ARRDC4: variants seen among roughly 807,000 people sequenced by gnomAD.
ARRDC4 encodes arrestin domain-containing protein 4.
In ARRDC4, 40 loss-of-function variants were observed where a neutral mutation model predicts 44.6. The ratio of observed to expected loss-of-function variants is 0.90; its 90% CI spans 0.70 to 1.17. The LOEUF (loss-of-function observed/expected upper bound fraction) is 1.17. Ranked by LOEUF, ARRDC4 falls within the 50% of genes most tolerant of loss-of-function variation. The pLI is 0.00. For missense variants in ARRDC4, 550 were observed against 559.1 expected (o/e 0.98, Z 0.16); for synonymous variants, 211 against 221.2 (o/e 0.95, Z 0.41).
chr15:97,961,385 G>T (rs1447273494), intron 1 of ARRDC4, among the ~76,000 whole-genome samples: 2 of 152,234 alleles, frequency 1.3e-5, no homozygotes, highest in Non-Finnish European at 2.9e-5. Flanking sequence ...GGCCTGACCG[G>T]GACCAGTGGC....
In ARRDC4 at chr15:97,970,675, G is replaced by C. The variant is rs755992521; in HGVS notation, c.1132G>C (p.Glu378Gln). 6.2e-7 allele frequency: 1 copy of C among 1,613,622 alleles called. No homozygotes were observed. The highest frequency in any genetic ancestry group is 2.2e-5 in the East Asian group (1 of 44,858). ...PYPQPPNCEG[E>Q]VCCPVFACIQ... The stretch of plus-strand genomic sequence containing the variant: ...CCCTCAACCCCCTAACTGTGAGGGA[G>C]AAGTGTGCTGTCCTGTGTTTGCCTG... The change falls in exon 7 of 8, where the codon GAA (glutamate) becomes CAA (glutamine). Residue 378 changes from glutamate to glutamine, a missense_variant. Physicochemically the swap from Glu to Gln is conservative, Grantham distance 29. Coordinates refer to ENST00000268042, the MANE Select transcript of ARRDC4 (RefSeq NM_183376.3). This position sits in a 1 kb window ranked among gnomAD's most constrained non-coding sequence, Gnocchi z 4.2.
At position 97,970,054 on chromosome 15, in the gene ARRDC4, T is replaced by A; in HGVS notation, c.1045+9T>A. On this transcript the variant is annotated intron_variant, in intron 6 of 7. Transcript: ENST00000268042. This position sits in a 1 kb window ranked among gnomAD's most constrained non-coding sequence, Gnocchi z 4.2. ...GCCAGAGCAGCCTGAAGGTAAAATA[T>A]GTTGGCGTTCTTTCATAACGAAGCT... The A allele has an allele frequency of 6.2e-7, 1 of 1,601,860 alleles. No individual in the cohort carries two copies. Among genetic ancestry groups the A allele is most frequent in the South Asian group, 1.1e-5 (1 of 90,626 alleles).
At position 97,970,431 on chromosome 15, in the gene ARRDC4, T is replaced by C. The variant is rs570992734; in HGVS notation, c.1046-158T>C. Among the ~76,000 whole-genome samples the C allele has an allele frequency of 1.3e-5, 2 of 152,312 alleles. No homozygotes were observed. Among genetic ancestry groups the C allele is most frequent in the Non-Finnish European group, 1.5e-5 (1 of 68,012 alleles). On this transcript the variant is annotated intron_variant, in intron 6 of 7. Transcript: ENST00000268042. This position sits in a 1 kb window ranked among gnomAD's most constrained non-coding sequence, Gnocchi z 4.2. The stretch of plus-strand genomic sequence containing the variant: ...GTAGTAGTTTAATAAAAGGAGAATC[T>C]ATTTTTTATTGTAATATGCATAAAA...
Position 97,970,826 on chromosome 15 carries a change from G to C in ARRDC4, c.1200+83G>C, listed in dbSNP as rs1899499142. ...TTGTCATCCGTTCATTAGAGTGTCT[G>C]TTGCTGACTCATAATTAGTAAGGGA... On this transcript the variant is annotated intron_variant, in intron 7 of 7. Coordinates refer to ENST00000268042, the MANE Select transcript of ARRDC4 (RefSeq NM_183376.3). The surrounding 1 kb of genome is among the most constrained non-coding windows in gnomAD (Gnocchi z 4.2). The C allele has an allele frequency of 3.5e-6, 5 of 1,444,146 alleles. No homozygotes were observed. In the South Asian group the frequency reaches 3.8e-5, roughly 11 times the overall value. The allele number at this position is 1,444,146 out of a possible 1,614,324, so 89.5% of individuals were successfully genotyped here.
At position 97,970,883 on chromosome 15, in the gene ARRDC4, G is replaced by T. The variant is rs990644882; in HGVS notation, c.1200+140G>T. The stretch of plus-strand genomic sequence containing the variant: ...TAAATTTGTTTATACAGTGGTAATA[G>T]ATTATCGCTGATTCATTTGCCAGAT... On this transcript the variant is annotated intron_variant, in intron 7 of 7. Coordinates refer to ENST00000268042, the MANE Select transcript of ARRDC4 (RefSeq NM_183376.3). This position sits in a 1 kb window ranked among gnomAD's most constrained non-coding sequence, Gnocchi z 4.2. 3 of 1,073,970 alleles carry T rather than the reference G, an allele frequency of 2.8e-6. No homozygotes were observed. The highest frequency in any genetic ancestry group is 4.0e-6 in the Non-Finnish European group (3 of 758,058). 66.5% of individuals were successfully genotyped at this position (1,073,970 alleles called of 1,614,324 possible). A position where few individuals can be genotyped will look rare whatever the true frequency, so the allele number is the denominator to read the frequency against.
In ARRDC4 at chr15:97,968,202, A is replaced by C; in HGVS notation, c.625+86A>C. On this transcript the variant is annotated intron_variant, in intron 4 of 7. Transcript: ENST00000268042. This position sits in a 1 kb window ranked among gnomAD's most constrained non-coding sequence, Gnocchi z 5.4. Reference sequence around the variant, plus strand: ...AGTGATTTTAAATAGTGTTTTTTGTAATTATATGACGTGTATAGTATTTTA... The same window carrying C: ...AGTGATTTTAAATAGTGTTTTTTGTCATTATATGACGTGTATAGTATTTTA... 1.2e-6 allele frequency: 1 copy of C among 808,546 alleles called. No individual in the cohort carries two copies. Among genetic ancestry groups the C allele is most frequent in the Non-Finnish European group, 1.9e-6 (1 of 534,584 alleles). 50.1% of individuals were successfully genotyped at this position (808,546 alleles called of 1,614,324 possible).
chr15:97,961,963 C>T (rs987395925), intron 1 of ARRDC4, among the ~76,000 whole-genome samples: 1 of 152,218 alleles, frequency 6.6e-6, no homozygotes, highest in African/African-American at 2.4e-5. Context: ...GGACACACTA[C>T]ATGAGCGTTT....
rs776042985 is a variant in ARRDC4 at position 97,967,218 on chromosome 15, T to G, written c.523-796T>G. Among the ~76,000 whole-genome samples, 2 of 152,152 alleles carry G rather than the reference T, an allele frequency of 1.3e-5. No homozygotes were observed. The highest frequency in any genetic ancestry group is 2.9e-5 in the Non-Finnish European group (2 of 68,024). ...AATATTTTTAAAGTTTTTATGACCA[T>G]TGTGGGAATTGATTTAAAGGGATTT... On this transcript the variant is annotated intron_variant, in intron 3 of 7. Coordinates refer to ENST00000268042, the MANE Select transcript of ARRDC4 (RefSeq NM_183376.3). This position sits in a 1 kb window ranked among gnomAD's most constrained non-coding sequence, Gnocchi z 5.0.
In ARRDC4 at chr15:97,973,139, G is replaced by T. The variant is rs573689193; in HGVS notation, c.*1952G>T. 1 of 152,308 alleles carries T rather than the reference G, an allele frequency of 6.6e-6. No individual in the cohort carries two copies. Among genetic ancestry groups the T allele is most frequent in the African/African-American group, 2.4e-5 (1 of 41,534 alleles). The allele number at this position is 152,308 out of a possible 1,614,324, so 9.4% of individuals were successfully genotyped here. On this transcript the variant is annotated 3_prime_UTR_variant, in exon 8 of 8. Coordinates refer to ENST00000268042, the MANE Select transcript of ARRDC4 (RefSeq NM_183376.3). ...TGTTTATTGACTTCTGAGTTATATA[G>T]TTCATGCCCTGCCAAGGCATTGTTC...
chr15:97,969,856 C>CTCTCTTT (rs754993418), intron 5 of ARRDC4, 27 bp from the exon 6 acceptor site: 8 of 1,353,392 alleles, frequency 5.9e-6, no homozygotes, highest in African/African-American at 3.1e-5. Flanking sequence ...GTTCCTTTCT[C>CTCTCTTT]TTTTTTTTTT....
At position 97,970,577 on chromosome 15, in the gene ARRDC4, T is replaced by C. The variant is rs1242655400; in HGVS notation, c.1046-12T>C. On this transcript the variant is annotated splice_polypyrimidine_tract_variant and intron_variant, in intron 6 of 7. Transcript: ENST00000268042. This position sits in a 1 kb window ranked among gnomAD's most constrained non-coding sequence, Gnocchi z 4.2. ...AGTGGATTTCTTAACTCCAACTTCATTTCTATTTCAGCACCACCAAATTAT... is the reference window on the plus strand; with the variant it reads ...AGTGGATTTCTTAACTCCAACTTCACTTCTATTTCAGCACCACCAAATTAT... 2 of 1,593,422 alleles carry C rather than the reference T, an allele frequency of 1.3e-6. No homozygotes were observed. The highest frequency in any genetic ancestry group is 1.3e-5 in the African/African-American group (1 of 74,342).
In ARRDC4 at chr15:97,961,179, G is replaced by A; in HGVS notation, c.307+11G>A. On this transcript the variant is annotated intron_variant, in intron 1 of 7. Transcript: ENST00000268042. ...GGGAGCCCCCGGCCGGTAAGCGCAG[G>A]CGAGCGCCTGGGGTTCCCCCGCCAG... 1 of 1,399,102 alleles carries A rather than the reference G, an allele frequency of 7.1e-7. No individual in the cohort carries two copies. The highest frequency in any genetic ancestry group is 9.2e-7 in the Non-Finnish European group (1 of 1,088,248). 86.7% of individuals were successfully genotyped at this position (1,399,102 alleles called of 1,614,324 possible).
intron 1 of ARRDC4, among the ~76,000 whole-genome samples, chr15:97,963,240 C>G (rs1345515628): frequency 4.6e-5 from 7 of 152,142 alleles, no homozygotes; most frequent in Admixed American, 2.0e-4. Context: ...GCTCAGTATA[C>G]AAGACAGAAA....
chr15:97,969,018 T>G, intron 4 of ARRDC4, 105 bp from the exon 5 acceptor site: 1 of 1,204,488 alleles, frequency 8.3e-7, no homozygotes, highest in Non-Finnish European at 1.2e-6. Context: ...GCTTCTCAAT[T>G]TGTTAAAGTG....
chr15:97,961,450 G>A (rs1282056214), intron 1 of ARRDC4, among the ~76,000 whole-genome samples: 1 of 152,206 alleles, frequency 6.6e-6, no homozygotes. Flanking sequence ...GTGGGAACCT[G>A]TGATTGGACA....
At position 97,967,966 on chromosome 15, in the gene ARRDC4, C is replaced by T; in HGVS notation, c.523-48C>T. The T allele has an allele frequency of 8.0e-7, 1 of 1,251,170 alleles. No homozygotes were observed. The highest frequency in any genetic ancestry group is 1.1e-6 in the Non-Finnish European group (1 of 879,754). 77.5% of individuals were successfully genotyped at this position (1,251,170 alleles called of 1,614,324 possible). A position where few individuals can be genotyped will look rare whatever the true frequency, so the allele number is the denominator to read the frequency against. On this transcript the variant is annotated intron_variant, in intron 3 of 7. Transcript: ENST00000268042. This position sits in a 1 kb window ranked among gnomAD's most constrained non-coding sequence, Gnocchi z 5.0. ...GATATAATTTTAAGTTCTATGAGTT[C>T]TCTAGAGTGGCTTAATTAAGGTTGT...
chr15:97,968,170 A>T lies in ARRDC4; in HGVS notation c.625+54A>T, dbSNP rs185935003. ...AAAGATTTCATTCATTTTCTTAGCT[A>T]ATTTTAAGTGATTTTAAATAGTGTT... On this transcript the variant is annotated intron_variant, in intron 4 of 7. Coordinates refer to ENST00000268042, the MANE Select transcript of ARRDC4 (RefSeq NM_183376.3). The surrounding 1 kb of genome is among the most constrained non-coding windows in gnomAD (Gnocchi z 5.4). 6 of 1,220,750 alleles carry T rather than the reference A, an allele frequency of 4.9e-6. No individual in the cohort carries two copies. Among genetic ancestry groups the T allele is most frequent in the Admixed American group, 4.7e-5 (2 of 42,324 alleles). The allele number at this position is 1,220,750 out of a possible 1,614,324, so 75.6% of individuals were successfully genotyped here.
rs1899501473 is a variant in ARRDC4 at position 97,970,921 on chromosome 15, G to T, written c.1200+178G>T. Among the ~76,000 whole-genome samples, 1 of 151,834 alleles carries T rather than the reference G, an allele frequency of 6.6e-6. No individual in the cohort carries two copies. Among genetic ancestry groups the T allele is most frequent in the South Asian group, 2.1e-4 (1 of 4,802 alleles). On this transcript the variant is annotated intron_variant, in intron 7 of 7. Transcript: ENST00000268042. This position sits in a 1 kb window ranked among gnomAD's most constrained non-coding sequence, Gnocchi z 4.2. ...TCATTTGCCAGATTTTTTTACTATT[G>T]TCCTTGTGATCTATGGCATCAGATA... is the stretch of plus-strand genomic sequence containing the variant.
intron 1 of ARRDC4, among the ~76,000 whole-genome samples, chr15:97,963,045 G>A (rs149787324): frequency 7.5e-4 from 115 of 152,340 alleles, no homozygotes; most frequent in African/African-American, 2.6e-3. Flanking sequence ...CAGAATCAGA[G>A]AGTTGGTCTC....
Sources: gnomAD v4.1 joint callset for allele counts (sites outside exome capture counted in the v4.1 genomes callset) on GRCh38, gnomAD v4.1.1 for gene constraint, Gnocchi (gnomAD v3.1) non-coding constraint, MANE v1.5 for transcripts, NCBI Gene and HGNC (gene_info 2026-07-23, HGNC 2026-07-21) for gene names.